The following PRAMEF14 variants were observed in gnomAD, a reference collection of about 807,000 sequenced individuals.
The protein encoded by PRAMEF14 is PRAME family member 14.
Under a neutral mutation model 38.3 loss-of-function variants are expected in PRAMEF14, and 24 were observed. The ratio of observed to expected loss-of-function variants is 0.63; its 90% confidence interval spans 0.45 to 0.88. PRAMEF14 has a LOEUF of 0.88. Among genes scored for constraint, PRAMEF14 ranks in the 40% least tolerant of loss-of-function variants. The pLI, the probability that PRAMEF14 is intolerant of heterozygous loss-of-function variation, is 0.00. For missense variants in PRAMEF14, 477 were observed against 570.8 expected, an observed-to-expected ratio of 0.84 and a Z score of 1.67; for synonymous variants, 194 against 226.4, an observed-to-expected ratio of 0.86 and a Z score of 1.29.
intron 3 of PRAMEF14, 187 bp downstream of exon 3, chr1:13,343,851 T>C: frequency 3.3e-6 from 5 of 1,504,322 alleles, no homozygotes; most frequent in Non-Finnish European, 8.9e-7. Flanking sequence ...TCTGCCCTTA[T>C]TGGAGCGTTC....
At position 13,343,930 on chromosome 1, in the gene PRAMEF14, A is replaced by T; in HGVS notation, c.866+108T>A. 1.2e-5 allele frequency: 19 copies of T among 1,540,670 alleles called. 1 individual carries two copies. The South Asian group carries it at 1.9e-4, about 15-fold the overall frequency. On this transcript the variant is annotated intron_variant, in intron 3 of 3. Coordinates refer to ENST00000334600, the MANE Select transcript of PRAMEF14 (RefSeq NM_001024661.2). ...GTGTTGACATTCTGGTGTCCCCTTC[A>T]CTGTGACGTTGCCACTGGCTGGCAC...
In PRAMEF14 at chr1:13,344,552, C is replaced by T; in HGVS notation, c.352G>A (p.Gly118Arg). 6.2e-7 allele frequency: 1 copy of T among 1,605,202 alleles called. No homozygotes were observed. Among genetic ancestry groups the T allele is most frequent in the Non-Finnish European group, 8.5e-7 (1 of 1,177,448 alleles). The change falls in exon 3 of 4, where the codon GGA becomes AGA. Residue 118 changes from glycine to arginine, a missense_variant. Around this residue, in one of 4 missense-constraint regions of PRAMEF14, gnomAD observed 234 missense variants for 247.4 expected, o/e 0.95. Transcript: ENST00000334600. ...VDENFWARWP[G>R]AWALSCFPET... ...GGGAAGCAGGACAGGGCCCAGGCTC[C>T]AGGCCATCTGGCCCAGAAATTCTCA...
Position 13,345,270 on chromosome 1 carries a change from C to G in PRAMEF14, c.45G>C (p.Gln15His). 6.2e-7 allele frequency: 1 copy of G among 1,607,624 alleles called. No individual in the cohort carries two copies. The highest frequency in any genetic ancestry group is 1.1e-5 in the South Asian group (1 of 90,724). The change falls in exon 2 of 4, where the codon CAG (glutamine) becomes CAC (histidine). Residue 15 changes from glutamine (Q) to histidine (H), a missense_variant. This residue lies in a region of PRAMEF14 where 58 missense variants were observed against 119.9 expected (regional missense o/e 0.48). Transcript: ENST00000334600. ...APPRLLELAG[Q>H]SLLRDQALSI... ...ACAAGGCCTGGTCTCTCAGCAGGCT[C>G]TGCCCTGCCAGCTCCAGGAGTCTGG...
In PRAMEF14 at chr1:13,342,683, G is replaced by A. The variant is rs199937476; in HGVS notation, c.1270C>T (p.Arg424Cys). 343 of 1,604,960 alleles carry A rather than the reference G, an allele frequency of 2.1e-4. 5 individuals are homozygous for A. Among genetic ancestry groups the A allele is most frequent in the Non-Finnish European group, 2.7e-4 (317 of 1,178,052 alleles). The change falls in exon 4 of 4, where the codon CGT becomes TGT. Residue 424 changes from arginine to cysteine, a missense_variant. Arg to Cys is a radical substitution (Grantham distance 180, BLOSUM62 -3). Transcript: ENST00000334600. The stretch of plus-strand genomic sequence containing the variant: ...AGGGCGAAGATCTCCCAATCGACAC[G>A]AACCAAGGAATTCAAACTCTCCTCA... Reference protein sequence around the residue: ...APEESLNSLVRVDWEIFALLR... With the variant: ...APEESLNSLVCVDWEIFALLR...
chr1:13,343,730 G>A, intron 3 of PRAMEF14: 1 of 1,338,786 alleles, frequency 7.5e-7, no homozygotes, highest in Non-Finnish European at 9.8e-7. Context: ...ATATCAACTT[G>A]AAACACACTT....
rs1257145908 is a variant in PRAMEF14, at chr1:13,344,380, C to T, written c.524G>A (p.Arg175Lys). The T allele has an allele frequency of 3.3e-5, 53 of 1,605,150 alleles. 2 individuals carry two copies. The highest frequency in any genetic ancestry group is 2.4e-5 in the Non-Finnish European group (28 of 1,177,044). ...ACTACAGCACAGGTGTACTAAACCT[C>T]TCCTTTGGTAAACCCACTGAAAGAG... ...RYLFQWVYQR[R>K]GLVHLCCSKL... The change falls in exon 3 of 4, where the codon AGA becomes AAA. Residue 175 changes from arginine to lysine, a missense_variant. This residue lies in a region of PRAMEF14 where 234 missense variants were observed against 247.4 expected (regional missense o/e 0.95). Coordinates refer to ENST00000334600, the MANE Select transcript of PRAMEF14 (RefSeq NM_001024661.2).
At chr1:13,344,723 G>C in intron 2 of PRAMEF14, 107 bp from the exon 3 acceptor site, 2 of 1,492,596 alleles carry the variant, frequency 1.3e-6, no homozygotes, top group Non-Finnish European at 1.8e-6. Flanking sequence ...AGTGCTCCCT[G>C]TTCTCTTTGT....
In PRAMEF14 at chr1:13,344,314, T is replaced by G; in HGVS notation, c.590A>C (p.Lys197Thr). Residue 197 changes from lysine (K) to threonine (T), a missense_variant, in exon 3 of 4, where the codon AAG (lysine) becomes ACG (threonine). Lys to Thr is a moderately conservative substitution (Grantham distance 78, BLOSUM62 -1). Transcript: ENST00000334600. Reference sequence around the variant, plus strand: ...ATTCAGGTATATTATTTTCAATGACTTTCTGAGATGTTTAATCGGCGTTAG... The same window carrying G: ...ATTCAGGTATATTATTTTCAATGACGTTCTGAGATGTTTAATCGGCGTTAG... ...NYLTPIKHLR[K>T]SLKIIYLNSI... 1 of 1,607,794 alleles carries G rather than the reference T, an allele frequency of 6.2e-7. No individual in the cohort carries two copies. Among genetic ancestry groups the G allele is most frequent in the Non-Finnish European group, 8.5e-7 (1 of 1,178,048 alleles).
At chr1:13,343,742 G>C (rs1240561967) in intron 3 of PRAMEF14, 1 of 1,321,826 alleles carries the variant, frequency 7.6e-7, no homozygotes, top group East Asian at 3.9e-5. Context: ...AACACACTTT[G>C]TAACAGGAAA....
chr1:13,345,492 T>C (rs1640390051), intron 1 of PRAMEF14, 153 bp from the exon 2 acceptor site: 1 of 772,692 alleles, frequency 1.3e-6, no homozygotes, highest in Admixed American at 6.3e-5. Flanking sequence ...TTCCACTGAA[T>C]CCCAGAACCA....
Position 13,344,400 on chromosome 1 carries a change from A to G in PRAMEF14, c.504T>C (p.Phe168=), listed in dbSNP as rs1553125558. The change falls in exon 3 of 4, where the codon TTT becomes TTC. Residue 168 remains phenylalanine (F), a synonymous_variant. Coordinates refer to ENST00000334600, the MANE Select transcript of PRAMEF14 (RefSeq NM_001024661.2). The part of the protein sequence containing the change: ...IPQDECLRYL[F]QWVYQRRGLV... ...AACCTCTCCTTTGGTAAACCCACTG[A>G]AAGAGGTATCTCAGGCATTCATCCT... 209 of 1,603,466 alleles carry G rather than the reference A, an allele frequency of 1.3e-4. 19 individuals carry two copies. Among genetic ancestry groups the G allele is most frequent in the East Asian group, 5.5e-4 (23 of 41,674 alleles).
In PRAMEF14 at chr1:13,344,658, T is replaced by A. The variant is rs1412148181; in HGVS notation, c.288-42A>T. 6 of 1,603,200 alleles carry A rather than the reference T, an allele frequency of 3.7e-6. No individual in the cohort carries two copies. In the African/African-American group the frequency reaches 5.4e-5, roughly 14 times the overall value. On this transcript the variant is annotated intron_variant, in intron 2 of 3. Transcript: ENST00000334600. ...GGAGAGACTCAGAATTTAGAAGGAC[T>A]CATCCCTGACCTTTGCTTTCATTCT...
chr1:13,346,744 G>A (rs1569817739), intron 1 of PRAMEF14, among the ~76,000 whole-genome samples: 1 of 147,920 alleles, frequency 6.8e-6, no homozygotes. Context: ...CCAAGTCTAT[G>A]AACTGTAATT....
chr1:13,344,491 C>G lies in PRAMEF14; in HGVS notation c.413G>C (p.Cys138Ser). ...TMSKRQTAED[C>S]PRMGEHQPLK... ...GGGCTGGTGCTCTCCCATCCTTGGA[C>G]AGTCCTCTGCTGTCTGCCTCTTACT... The change falls in exon 3 of 4, where the codon TGT becomes TCT. Residue 138 changes from cysteine (C) to serine (S), a missense_variant. Around this residue, in one of 4 missense-constraint regions of PRAMEF14, gnomAD observed 234 missense variants for 247.4 expected, o/e 0.95. Coordinates refer to ENST00000334600, the MANE Select transcript of PRAMEF14 (RefSeq NM_001024661.2). 1 of 1,607,476 alleles carries G rather than the reference C, an allele frequency of 6.2e-7. No individual in the cohort carries two copies. Among genetic ancestry groups the G allele is most frequent in the Non-Finnish European group, 8.5e-7 (1 of 1,178,928 alleles).
chr1:13,344,283 A>T lies in PRAMEF14; in HGVS notation c.621T>A (p.Ile207=). 2.5e-6 allele frequency: 4 copies of T among 1,606,130 alleles called. No homozygotes were observed. The highest frequency in any genetic ancestry group is 3.4e-6 in the Non-Finnish European group (4 of 1,176,998). ...ACATGTTGCGAATTTCCAGCTGTTG[A>T]ATACTATTCAGGTATATTATTTTCA... is the stretch of plus-strand genomic sequence containing the variant. ...KSLKIIYLNS[I]QQLEIRNMSW... is the part of the protein sequence containing the mutation. The change falls in exon 3 of 4, where the codon ATT becomes ATA. Residue 207 remains isoleucine (I), a synonymous_variant. Transcript: ENST00000334600.
intron 3 of PRAMEF14, chr1:13,343,447 G>A: frequency 1.8e-6 from 1 of 562,952 alleles, no homozygotes; most frequent in Non-Finnish European, 3.1e-6. Context: ...AGGGCTACAT[G>A]TCGGCAGGGG....
intron 1 of PRAMEF14, among the ~76,000 whole-genome samples, chr1:13,345,694 T>C (rs1215577205): frequency 7.9e-5 from 12 of 151,408 alleles, no homozygotes; most frequent in Admixed American, 2.0e-4. Flanking sequence ...CCATTATTTT[T>C]TATTTTGAAA....
chr1:13,344,981 C>T (rs1471695826), intron 2 of PRAMEF14, 47 bp downstream of exon 2: 14 of 1,330,530 alleles, frequency 1.1e-5, no homozygotes, highest in Non-Finnish European at 1.4e-5. Context: ...GCTGTTCTTT[C>T]CCTGGACACC....
intron 1 of PRAMEF14, 36 bp from the exon 2 acceptor site, chr1:13,345,375 A>T (rs1374256502): frequency 1.3e-6 from 2 of 1,576,080 alleles, no homozygotes; most frequent in Non-Finnish European, 1.7e-6. Context: ...TATCACTCTC[A>T]TGGCAAACAC....
Sources: gnomAD v4.1 joint callset for allele counts (sites outside exome capture counted in the v4.1 genomes callset) on GRCh38, gnomAD v4.1.1 for gene constraint, gnomAD v4.1.1 regional missense constraint, MANE v1.5 for transcripts, NCBI Gene and HGNC (gene_info 2026-07-23, HGNC 2026-07-21) for gene names.